Variants in DSCAML1 observed in about 807,000 individuals in gnomAD.
DSCAML1 encodes cell adhesion molecule DSCAML1.
DSCAML1 carries 38 observed loss-of-function variants against 200.5 expected under a neutral mutation model. The observed-to-expected ratio is 0.19, with a 90% CI of 0.15 to 0.25. The LOEUF is 0.25. DSCAML1 is among the 10% of genes least tolerant of loss of function. DSCAML1 has a pLI of 1.00. For missense variants in DSCAML1, 2,223 were observed against 2,858.8 expected (o/e 0.78, Z 5.07); for synonymous variants, 1,215 against 1,165.0 (o/e 1.04, Z -0.87).
chr11:117,813,189 T>G (rs1329890379), intron 1 of DSCAML1, among the ~76,000 whole-genome samples: 12 of 152,168 alleles, frequency 7.9e-5, no homozygotes, highest in Admixed American at 5.2e-4. Flanking sequence ...TTTACCACTT[T>G]CCCTTCTCAG....
At chr11:117,685,208 G>A (rs1373661138) in intron 3 of DSCAML1, among the ~76,000 whole-genome samples, 2 of 152,220 alleles carry the variant, frequency 1.3e-5, no homozygotes, top group Admixed American at 1.3e-4. Flanking sequence ...TTCAGAGCTG[G>A]AAGGAATCTC....
At chr11:117,765,488 C>A (rs1417127170) in intron 3 of DSCAML1, among the ~76,000 whole-genome samples, 1 of 152,164 alleles carries the variant, frequency 6.6e-6, no homozygotes, top group Admixed American at 6.5e-5. Flanking sequence ...GTAAGAGCAG[C>A]AGTGTCTGCC....
chr11:117,687,260 T>C (rs2053415841), intron 3 of DSCAML1, among the ~76,000 whole-genome samples: 1 of 152,192 alleles, frequency 6.6e-6, no homozygotes, highest in South Asian at 2.1e-4. Context: ...CGTTTATTTT[T>C]TATTTTTTAA....
intron 3 of DSCAML1, among the ~76,000 whole-genome samples, chr11:117,542,168 G>A (rs890131212): frequency 5.9e-5 from 9 of 152,070 alleles, no homozygotes; most frequent in African/African-American, 2.2e-4. Context: ...AATTAGCTGG[G>A]TATGGTGTCA....
upstream of DSCAML1, chr11:117,797,304 C>A: frequency 7.6e-7 from 1 of 1,318,404 alleles, no homozygotes. Context: ...CCCCCCGCGG[C>A]ACCCCGGGTG....
Position 117,428,553 on chromosome 11 carries a change from G to A in DSCAML1, c.5937C>T (p.Pro1979=), listed in dbSNP as rs758014998. 8.4e-6 allele frequency: 13 copies of A among 1,546,256 alleles called. No individual in the cohort carries two copies. Among genetic ancestry groups the A allele is most frequent in the East Asian group, 2.4e-5 (1 of 41,696 alleles). ...GGGCTGGGGGGGCTGTGCCGGCTGG[G>A]GGGGCTGGCATGGCCAGAGTCCTCT... ...LPQRTLAMPA[P]PAGTAPPAPG... is the part of the protein sequence containing the mutation. Residue 1979 remains proline (P), a synonymous_variant, in exon 33 of 33, where the codon CCC becomes CCT. Coordinates refer to ENST00000651296, the MANE Select transcript of DSCAML1 (RefSeq NM_020693.4).
chr11:117,757,662 G>C (rs1202499762), intron 3 of DSCAML1, among the ~76,000 whole-genome samples: 1 of 151,140 alleles, frequency 6.6e-6, no homozygotes, highest in Non-Finnish European at 1.5e-5. Context: ...CTTTTTCTCT[G>C]TAAGTTAAAA....
intron 11 of DSCAML1, among the ~76,000 whole-genome samples, chr11:117,484,030 C>CGCCCCTGCCCCCT (rs2048985849): frequency 6.7e-6 from 1 of 148,622 alleles, no homozygotes; most frequent in Admixed American, 6.7e-5. Flanking sequence ...GCCCGCCCCC[C>CGCCCCTGCCCCCT]GCCCCTGCCC....
In DSCAML1 at chr11:117,642,464, C is replaced by T. The variant is rs2052431100; in HGVS notation, c.512-109942G>A. Among the ~76,000 whole-genome samples the T allele has an allele frequency of 6.6e-6, 1 of 152,198 alleles. No individual in the cohort carries two copies. Among genetic ancestry groups the T allele is most frequent in the Non-Finnish European group, 1.5e-5 (1 of 68,038 alleles). On this transcript the variant is annotated intron_variant, in intron 3 of 32. Transcript: ENST00000651296. This position sits in a 1 kb window ranked among gnomAD's most constrained non-coding sequence, Gnocchi z 4.1. ...AGACAAATAAGGGGAACTGTCAGGC[C>T]CCACTGCCAACATGCTCAGTAGGAC...
At chr11:117,591,828 T>C (rs980927250) in intron 3 of DSCAML1, among the ~76,000 whole-genome samples, 2 of 152,184 alleles carry the variant, frequency 1.3e-5, no homozygotes, top group African/African-American at 4.8e-5. Context: ...CTTCTTTGCT[T>C]GGGACTCTCT....
At chr11:117,748,341 C>G (rs2054550569) in intron 3 of DSCAML1, among the ~76,000 whole-genome samples, 1 of 152,202 alleles carries the variant, frequency 6.6e-6, no homozygotes, top group African/African-American at 2.4e-5. Flanking sequence ...CAGTTGTACT[C>G]CCCGTCATTT....
chr11:117,803,484 ATCTT>A (rs1205850299), intron 1 of DSCAML1, among the ~76,000 whole-genome samples: 3 of 151,720 alleles, frequency 2.0e-5, no homozygotes, highest in Non-Finnish European at 4.4e-5. Flanking sequence ...ATTTCTTTTT[ATCTT>A]TCTAAATTAA....
chr11:117,591,119 G>A (rs910980538), intron 3 of DSCAML1, among the ~76,000 whole-genome samples: 1 of 152,210 alleles, frequency 6.6e-6, no homozygotes, highest in Non-Finnish European at 1.5e-5. Flanking sequence ...TTCAGCTAGT[G>A]TAGAAGAGGG....
intron 3 of DSCAML1, among the ~76,000 whole-genome samples, chr11:117,679,652 C>T (rs1053078337): frequency 6.6e-5 from 10 of 152,186 alleles, no homozygotes; most frequent in African/African-American, 2.4e-4. Context: ...CTTCACCTTC[C>T]CTGCTGTCTA....
intron 11 of DSCAML1, among the ~76,000 whole-genome samples, chr11:117,486,440 G>A (rs192910011): frequency 6.0e-4 from 91 of 152,144 alleles, no homozygotes; most frequent in African/African-American, 2.0e-3. Context: ...GGATGTGAAA[G>A]TGGCAGATAT....
chr11:117,743,204 T>C (rs1168168170), intron 3 of DSCAML1, among the ~76,000 whole-genome samples: 1 of 152,110 alleles, frequency 6.6e-6, no homozygotes, highest in African/African-American at 2.4e-5. Context: ...TGGTCTTACA[T>C]AGCACAGACG....
Position 117,639,009 on chromosome 11 carries a change from G to A in DSCAML1, c.512-106487C>T, listed in dbSNP as rs1163221398. 3.3e-5 allele frequency among the ~76,000 whole-genome samples: 5 copies of A among 152,068 alleles called. No individual in the cohort carries two copies. The East Asian group carries it at 5.8e-4, about 18-fold the overall frequency. Reference sequence around the variant, plus strand: ...TTCCCAGCAGCAATGAATGAGAGTCGATTTCTACATCCTGGACAGCACTAT... The same window carrying A: ...TTCCCAGCAGCAATGAATGAGAGTCAATTTCTACATCCTGGACAGCACTAT... On this transcript the variant is annotated intron_variant, in intron 3 of 32. Transcript: ENST00000651296.
Position 117,525,032 on chromosome 11 carries a change from A to C in DSCAML1, c.710T>G (p.Val237Gly). The C allele has an allele frequency of 1.3e-6, 2 of 1,596,196 alleles. No individual in the cohort carries two copies. The highest frequency in any genetic ancestry group is 1.7e-6 in the Non-Finnish European group (2 of 1,172,910). Residue 237 changes from valine (V) to glycine (G), a missense_variant, in exon 5 of 33, where the codon GTG becomes GGG. Transcript: ENST00000651296. ...CAGCTCCACGGTGTGGCCGGCCCAC[A>C]CTTCCTGGGAGTGGAAGCCATCCAG... is the stretch of plus-strand genomic sequence containing the variant. ...TILDGFHSQE[V>G]WAGHTVELPC...
chr11:117,470,677 C>T (rs1386611051), intron 15 of DSCAML1, among the ~76,000 whole-genome samples: 1 of 152,170 alleles, frequency 6.6e-6, no homozygotes, highest in African/African-American at 2.4e-5. Context: ...CACTAGCATA[C>T]AGGAATGCTT....
Sources: allele counts gnomAD v4.1 joint callset (sites outside exome capture counted in the v4.1 genomes callset), GRCh38; gene constraint gnomAD v4.1.1; non-coding constraint Gnocchi (gnomAD v3.1); transcripts MANE v1.5; gene names NCBI Gene and HGNC (gene_info 2026-07-23, HGNC 2026-07-21).